HIBCH: variants seen among roughly 807,000 people sequenced by gnomAD.
The protein encoded by HIBCH is 3-hydroxyisobutyryl-CoA hydrolase, also known as 3-hydroxyisobutyryl-CoA hydrolase, mitochondrial.
Under a neutral mutation model 58.2 loss-of-function variants are expected in HIBCH, and 50 were observed. The ratio of observed to expected loss-of-function variants is 0.86; its 90% confidence interval spans 0.68 to 1.09. The LOEUF is 1.09. HIBCH is among the 50% of genes least tolerant of loss of function. The pLI is 0.00. For synonymous variants in HIBCH, 151 were observed against 146.9 expected (o/e 1.03, Z -0.20); for missense variants, 450 against 449.7 (o/e 1.00, Z -0.01).
downstream of HIBCH, among the ~76,000 whole-genome samples, chr2:190,199,117 A>C (rs937922807): frequency 6.6e-6 from 1 of 152,232 alleles, no homozygotes; most frequent in Non-Finnish European, 1.5e-5. Context: ...CCAGACTCTA[A>C]CAGTAGTCCA....
intron 4 of HIBCH, among the ~76,000 whole-genome samples, 153 bp downstream of exon 4, chr2:190,294,393 C>A (rs1056901869): frequency 6.6e-6 from 1 of 151,968 alleles, no homozygotes; most frequent in South Asian, 2.1e-4. Flanking sequence ...GAAAGTAAGT[C>A]TTTAAATTTT....
At chr2:190,295,355 G>A (rs1010646588) in intron 3 of HIBCH, among the ~76,000 whole-genome samples, 3 of 152,178 alleles carry the variant, frequency 2.0e-5, no homozygotes, top group African/African-American at 7.2e-5. Flanking sequence ...ATATCCTGGG[G>A]ATTGGGAATT....
rs191073436 is a variant in HIBCH at position 190,230,395 on chromosome 2, G to C, written c.891+14492C>G. Reference sequence around the variant, plus strand: ...AATAAATCTGACAACTTAAATAAAAGTCACGTATTCTTTATTAAAGAAATA... The same window carrying C: ...AATAAATCTGACAACTTAAATAAAACTCACGTATTCTTTATTAAAGAAATA... On this transcript the variant is annotated intron_variant, in intron 11 of 13. Transcript: ENST00000359678. Among the ~76,000 whole-genome samples the C allele has an allele frequency of 2.0e-5, 3 of 152,292 alleles. No individual in the cohort carries two copies. In the East Asian group the frequency reaches 5.8e-4, roughly 29 times the overall value.
intron 1 of HIBCH, among the ~76,000 whole-genome samples, chr2:190,194,824 T>C (rs1689894171): frequency 6.6e-6 from 1 of 152,012 alleles, no homozygotes. Context: ...TAGTAATAAG[T>C]ATTTGAGGTT....
chr2:190,205,382 TTTAAA>T (rs1690366193), intron 13 of HIBCH, 150 bp from the exon 14 acceptor site: 2 of 611,240 alleles, frequency 3.3e-6, no homozygotes, highest in South Asian at 4.0e-5. Context: ...CTATTTTTCT[TTTAAA>T]TTAAATCTCC....
downstream of HIBCH, chr2:190,200,255 T>C (rs1423151345): frequency 4.5e-6 from 4 of 884,816 alleles, no homozygotes; most frequent in Non-Finnish European, 7.2e-6. Flanking sequence ...GATTTAAAAA[T>C]GTGTCTACGA....
intron 9 of HIBCH, among the ~76,000 whole-genome samples, 193 bp from the exon 10 acceptor site, chr2:190,246,405 A>T (rs555595156): frequency 6.6e-6 from 1 of 152,264 alleles, no homozygotes. Flanking sequence ...ACTAGCTCTT[A>T]AAAGTATCAA....
intron 11 of HIBCH, chr2:190,213,332 AATT>A (rs1690557852): frequency 6.9e-6 from 3 of 435,586 alleles, no homozygotes; most frequent in Non-Finnish European, 1.3e-5. Context: ...GCTTAGCATA[AATT>A]ATGCCAATTG....
rs1449252835 is a variant in HIBCH, at chr2:190,252,245, A to C, written c.580T>G (p.Phe194Val). The C allele has an allele frequency of 6.2e-7, 1 of 1,613,568 alleles. No individual in the cohort carries two copies. Residue 194 changes from phenylalanine to valine, a missense_variant, in exon 8 of 14, where the codon TTC (phenylalanine) becomes GTC (valine). Transcript: ENST00000359678. ...AGTCTGAATCCTGTTAATGCAAGGA[A>C]GTAACCAAGTTTTCCTTGGAGTCGT... ...LPRLQGKLGY[F>V]LALTGFRLKG... is the part of the protein sequence containing the mutation.
intron 9 of HIBCH, among the ~76,000 whole-genome samples, chr2:190,246,954 C>T (rs1387706011): frequency 6.6e-6 from 1 of 151,728 alleles, no homozygotes; most frequent in Non-Finnish European, 1.5e-5. Context: ...AGTGTTGAGA[C>T]AGGCCTATGA....
chr2:190,284,601 A>C (rs984621276), intron 6 of HIBCH, among the ~76,000 whole-genome samples: 1 of 152,190 alleles, frequency 6.6e-6, no homozygotes. Context: ...GTTGGGGAGA[A>C]AACTCTTGGA....
intron 9 of HIBCH, among the ~76,000 whole-genome samples, chr2:190,246,455 T>C (rs962838271): frequency 2.6e-5 from 4 of 152,212 alleles, no homozygotes; most frequent in Non-Finnish European, 5.9e-5. Context: ...CATGTATAAA[T>C]ATATGTAACC....
At chr2:190,246,565 C>G (rs1230604574) in intron 9 of HIBCH, among the ~76,000 whole-genome samples, 3 of 152,208 alleles carry the variant, frequency 2.0e-5, no homozygotes. Context: ...CAGAAATTCA[C>G]ACCATATACC....
At chr2:190,190,516 G>C (rs1461647415) in intron 1 of HIBCH, among the ~76,000 whole-genome samples, 1 of 152,088 alleles carries the variant, frequency 6.6e-6, no homozygotes, top group Non-Finnish European at 1.5e-5. Flanking sequence ...TATGGATATT[G>C]GTATACAGAT....
In HIBCH at chr2:190,236,281, T is replaced by G. The variant is rs138974296; in HGVS notation, c.891+8606A>C. On this transcript the variant is annotated intron_variant, in intron 11 of 13. Transcript: ENST00000359678. This position sits in a 1 kb window ranked among gnomAD's most constrained non-coding sequence, Gnocchi z 4.1. The stretch of plus-strand genomic sequence containing the variant: ...AAATGAAACTAAGCTGAAGGTAAAA[T>G]TTAATTCACAAGTATTTTAATAATA... 1.2e-4 allele frequency among the ~76,000 whole-genome samples: 19 copies of G among 152,268 alleles called. No individual in the cohort carries two copies. Among genetic ancestry groups the G allele is most frequent in the African/African-American group, 4.3e-4 (18 of 41,568 alleles).
intron 6 of HIBCH, among the ~76,000 whole-genome samples, chr2:190,263,279 C>A (rs186244136): frequency 6.6e-6 from 1 of 152,276 alleles, no homozygotes; most frequent in East Asian, 1.9e-4. Flanking sequence ...ACCTACCAAA[C>A]CCAGTAGTCA....
rs555569964 is a variant in HIBCH at position 190,246,416 on chromosome 2, C to T, written c.751-204G>A. Among the ~76,000 whole-genome samples the T allele has an allele frequency of 9.9e-4, 150 of 152,280 alleles. 1 individual carries two copies. In the South Asian group the frequency reaches 0.027, roughly 27 times the overall value. On this transcript the variant is annotated intron_variant, in intron 9 of 13. Transcript: ENST00000359678. ...CTAGACTAGCTCTTAAAAGTATCAA[C>T]GGCAAAAATGTTCTAGTATTTTTAT...
intron 1 of HIBCH, among the ~76,000 whole-genome samples, chr2:190,319,154 A>T (rs1688782497): frequency 6.6e-6 from 1 of 152,242 alleles, no homozygotes; most frequent in Non-Finnish European, 1.5e-5. Flanking sequence ...GGCTGAGCTC[A>T]AAGCGCAGTG....
intron 11 of HIBCH, among the ~76,000 whole-genome samples, chr2:190,232,510 G>A (rs1044521209): frequency 1.2e-4 from 18 of 152,138 alleles, no homozygotes; most frequent in Admixed American, 8.5e-4. Context: ...CACTGGAAGA[G>A]GACTCTTAGG....
Sources: gnomAD v4.1 joint callset for allele counts (sites outside exome capture counted in the v4.1 genomes callset) on GRCh38, gnomAD v4.1.1 for gene constraint, Gnocchi (gnomAD v3.1) non-coding constraint, MANE v1.5 for transcripts, NCBI Gene and HGNC (gene_info 2026-07-23, HGNC 2026-07-21) for gene names.